Variants in SLC22A3 observed in about 807,000 individuals in gnomAD.
The protein encoded by SLC22A3 is solute carrier family 22 member 3, also known as EMT organic cation transporter 3.
In SLC22A3, 51 loss-of-function variants were observed where a neutral mutation model predicts 59.1. The observed-to-expected ratio is 0.86, with a 90% CI of 0.69 to 1.09. The LOEUF (loss-of-function observed/expected upper bound fraction) is 1.09. SLC22A3 is among the 50% of genes least tolerant of loss of function. The pLI is 0.00. For synonymous variants in SLC22A3, 325 were observed against 292.0 expected (o/e 1.11, Z -1.15); for missense variants, 711 against 726.3 (o/e 0.98, Z 0.24).
At chr6:160,354,402 G>A (rs888457761) in intron 1 of SLC22A3, among the ~76,000 whole-genome samples, 1 of 152,196 alleles carries the variant, frequency 6.6e-6, no homozygotes, top group Non-Finnish European at 1.5e-5. Context: ...TGGTTCCTGT[G>A]AACACATAAA....
intron 1 of SLC22A3, among the ~76,000 whole-genome samples, chr6:160,350,770 T>C (rs1192745808): frequency 3.9e-5 from 6 of 152,204 alleles, no homozygotes; most frequent in African/African-American, 1.4e-4. Context: ...GCAGGGTTAC[T>C]AGCATCCCGG....
At chr6:160,388,779 C>T (rs1332380304) in intron 1 of SLC22A3, among the ~76,000 whole-genome samples, 2 of 152,164 alleles carry the variant, frequency 1.3e-5, no homozygotes, top group Non-Finnish European at 2.9e-5. Flanking sequence ...TTACAGGAAT[C>T]AGCTTAAGAA....
rs572809592 is a variant in SLC22A3 at position 160,392,286 on chromosome 6, T to C, written c.430-5693T>C. On this transcript the variant is annotated intron_variant, in intron 1 of 10. Coordinates refer to ENST00000275300, the MANE Select transcript of SLC22A3 (RefSeq NM_021977.4). ...CCTTCTTTTTCCTTTGATTTCTACC[T>C]AAATCCAGCTCATTGTGGGACCTTC... Among the ~76,000 whole-genome samples the C allele has an allele frequency of 1.9e-3, 292 of 152,340 alleles. 1 individual carries two copies. Among genetic ancestry groups the C allele is most frequent in the African/African-American group, 6.5e-3 (271 of 41,572 alleles).
intron 7 of SLC22A3, among the ~76,000 whole-genome samples, chr6:160,438,308 G>T (rs1433819696): frequency 6.6e-6 from 1 of 152,126 alleles, no homozygotes; most frequent in Non-Finnish European, 1.5e-5. Flanking sequence ...GATGTGTGAA[G>T]TAGAGCAAGT....
chr6:160,451,012 T>C lies in SLC22A3; in HGVS notation c.1627T>C (p.Cys543Arg). The C allele has an allele frequency of 6.3e-7, 1 of 1,594,858 alleles. No homozygotes were observed. The highest frequency in any genetic ancestry group is 8.6e-7 in the Non-Finnish European group (1 of 1,168,716). ...TTTTTTCAGTCCACATTCCTGTAAA[T>C]GTGGCAGGAATAAGAAAACCCCAGT... ...EKLGSPHSCK[C>R]GRNKKTPVSR... The change falls in exon 11 of 11, where the codon TGT becomes CGT. Residue 543 changes from cysteine to arginine, a missense_variant. Cys to Arg is a radical substitution (Grantham distance 180). Transcript: ENST00000275300.
At position 160,407,159 on chromosome 6, in the gene SLC22A3, T is replaced by C. The variant is rs371628612; in HGVS notation, c.652T>C (p.Phe218Leu). The C allele has an allele frequency of 3.1e-6, 5 of 1,612,002 alleles. No homozygotes were observed. The highest frequency in any genetic ancestry group is 4.2e-6 in the Non-Finnish European group (5 of 1,178,960). Reference protein sequence around the residue: ...FVIFRFLQGVFGKGTWMTCYV... With the variant: ...FVIFRFLQGVLGKGTWMTCYV... ...GATCTTCCGCTTCCTGCAAGGTGTA[T>C]TTGGAAAGGGGACGTGGATGACTTG... The change falls in exon 3 of 11, where the codon TTT becomes CTT. Residue 218 changes from phenylalanine to leucine, a missense_variant. Phe to Leu is a conservative substitution (Grantham distance 22). Transcript: ENST00000275300.
At chr6:160,435,979 G>A (rs1296539549) in intron 5 of SLC22A3, among the ~76,000 whole-genome samples, 1 of 152,208 alleles carries the variant, frequency 6.6e-6, no homozygotes, top group Non-Finnish European at 1.5e-5. Flanking sequence ...GGTCCGGGGA[G>A]TAGAGGCAGA....
intron 5 of SLC22A3, among the ~76,000 whole-genome samples, chr6:160,419,553 C>A (rs1354105293): frequency 2.6e-5 from 4 of 152,148 alleles, no homozygotes; most frequent in Admixed American, 2.6e-4. Flanking sequence ...TATCTGAGGG[C>A]AGTCCAGTGT....
rs368595370 is a variant in SLC22A3, at chr6:160,348,401, G to C, written c.-19G>C. On this transcript the variant is annotated 5_prime_UTR_variant, in exon 1 of 11. Transcript: ENST00000275300. ...TCACTCCGAGGCGCGGGCTGCGGGCGGCGGGCGGCGGGCGCACCATGCCCT... is the reference window on the plus strand; with the variant it reads ...TCACTCCGAGGCGCGGGCTGCGGGCCGCGGGCGGCGGGCGCACCATGCCCT... The C allele has an allele frequency of 7.0e-7, 1 of 1,437,786 alleles. No homozygotes were observed. Among genetic ancestry groups the C allele is most frequent in the African/African-American group, 1.5e-5 (1 of 67,598 alleles). 89.1% of individuals were successfully genotyped at this position (1,437,786 alleles called of 1,614,324 possible). A position where few individuals can be genotyped will look rare whatever the true frequency, so the allele number is the denominator to read the frequency against.
chr6:160,428,121 G>A (rs932331215), intron 5 of SLC22A3, among the ~76,000 whole-genome samples: 3 of 25,632 alleles, frequency 1.2e-4, no homozygotes, highest in Non-Finnish European at 2.1e-4. Context: ...AAAATAAAAC[G>A]CTCTCAGCTT....
chr6:160,411,132 T>C (rs1787232424), intron 5 of SLC22A3, among the ~76,000 whole-genome samples: 1 of 152,166 alleles, frequency 6.6e-6, no homozygotes, highest in Non-Finnish European at 1.5e-5. Flanking sequence ...GGTTAATTGA[T>C]CATTTCAGTA....
intron 1 of SLC22A3, among the ~76,000 whole-genome samples, chr6:160,382,198 C>T (rs374257037): frequency 3.9e-5 from 6 of 152,140 alleles, no homozygotes; most frequent in African/African-American, 7.2e-5. Flanking sequence ...TCCATGTGCA[C>T]GTTGGGTGAT....
intron 1 of SLC22A3, among the ~76,000 whole-genome samples, chr6:160,372,363 T>G (rs1419651330): frequency 1.3e-5 from 2 of 152,224 alleles, no homozygotes; most frequent in Non-Finnish European, 2.9e-5. Context: ...TACAGAGAGA[T>G]CCACTGTTGG....
chr6:160,405,018 C>A (rs1167473185), intron 2 of SLC22A3, among the ~76,000 whole-genome samples: 1 of 151,582 alleles, frequency 6.6e-6, no homozygotes, highest in African/African-American at 2.4e-5. Flanking sequence ...ACACCAAAAG[C>A]ATAATCCATG....
chr6:160,447,785 CAG>C lies in SLC22A3; in HGVS notation c.1581_1582del (p.Glu527AspfsTer4). On this transcript the variant is annotated frameshift_variant, in exon 10 of 11. Transcript: ENST00000275300. LOFTEE classifies it high-confidence loss of function. Reference sequence around the variant, plus strand: ...CCTGAAACCAAGGGTATTGCCTTGCCAGAGACAGTGGATGATGTAGAAAAACT... The same window carrying C: ...CCTGAAACCAAGGGTATTGCCTTGCCAGACAGTGGATGATGTAGAAAAACT... 6.2e-7 allele frequency: 1 copy of C among 1,614,008 alleles called. No homozygotes were observed. The highest frequency in any genetic ancestry group is 1.7e-5 in the Admixed American group (1 of 59,998).
chr6:160,390,272 G>T (rs1164908785), intron 1 of SLC22A3, among the ~76,000 whole-genome samples: 2 of 151,764 alleles, frequency 1.3e-5, no homozygotes, highest in South Asian at 2.1e-4. Flanking sequence ...GGAAGGAAGA[G>T]GGGGGAAAGC....
At chr6:160,362,353 G>A (rs1451013084) in intron 1 of SLC22A3, among the ~76,000 whole-genome samples, 1 of 152,174 alleles carries the variant, frequency 6.6e-6, no homozygotes, top group Non-Finnish European at 1.5e-5. Flanking sequence ...TGTCTTCAAG[G>A]AGCACTTCAG....
At chr6:160,432,667 CCG>C (rs1468452788) in intron 5 of SLC22A3, among the ~76,000 whole-genome samples, 1 of 152,114 alleles carries the variant, frequency 6.6e-6, no homozygotes, top group Non-Finnish European at 1.5e-5. Context: ...ACCTCGTGAT[CCG>C]CCCGCCTTGG....
At chr6:160,431,241 CAGCACAGATATAG>C (rs201812301) in intron 5 of SLC22A3, among the ~76,000 whole-genome samples, 2,576 of 152,270 alleles carry the variant, frequency 0.017, 39 homozygotes, top group Non-Finnish European at 0.026. Context: ...AACAGAAAAT[CAGCACAGATATAG>C]AGCTAGAAGT....
Sources: gnomAD v4.1 joint callset for allele counts (sites outside exome capture counted in the v4.1 genomes callset) on GRCh38, gnomAD v4.1.1 for gene constraint, MANE v1.5 for transcripts, NCBI Gene and HGNC (gene_info 2026-07-23, HGNC 2026-07-21) for gene names.